The following POC1A variants were observed in gnomAD, a reference collection of about 807,000 sequenced individuals.
POC1A encodes the protein POC1 centriolar protein homolog A.
A neutral mutation model predicts 47.8 loss-of-function variants in POC1A; 34 were observed. The ratio of observed to expected loss-of-function variants is 0.71; its 90% CI spans 0.54 to 0.95. POC1A has a LOEUF of 0.95. Among genes scored for constraint, POC1A ranks in the 40% least tolerant of loss-of-function variants. The pLI is 0.00. For synonymous variants in POC1A, 177 were observed against 207.6 expected, an observed-to-expected ratio of 0.85 and a Z score of 1.27; for missense variants, 466 against 528.3, an observed-to-expected ratio of 0.88 and a Z score of 1.16.
At chr3:52,116,031 A>T (rs181243622) in intron 9 of POC1A, among the ~76,000 whole-genome samples, 2,022 of 152,280 alleles carry the variant, frequency 0.013, 22 homozygotes, top group Admixed American at 0.026. Flanking sequence ...AAATAATTTT[A>T]AAAAATCTAT....
Position 52,084,666 on chromosome 3 carries a change from C to A in POC1A, c.1126-8681G>T, listed in dbSNP as rs368599164. Among the ~76,000 whole-genome samples, 4 of 152,230 alleles carry A rather than the reference C, an allele frequency of 2.6e-5. No individual in the cohort carries two copies. The East Asian group carries it at 5.8e-4, about 22-fold the overall frequency. ...AGGCTTCCCCAGTCCATCCCCCTGCCCCCCCAGCTCTGGGGCAGCCCCTCT... is the reference window on the plus strand; with the variant it reads ...AGGCTTCCCCAGTCCATCCCCCTGCACCCCCAGCTCTGGGGCAGCCCCTCT... On this transcript the variant is annotated intron_variant, in intron 10 of 10. Transcript: ENST00000296484. The surrounding 1 kb of genome is among the most constrained non-coding windows in gnomAD (Gnocchi z 4.3).
At chr3:52,146,190 C>T (rs1256317251) in intron 5 of POC1A, among the ~76,000 whole-genome samples, 1 of 152,274 alleles carries the variant, frequency 6.6e-6, no homozygotes, top group Admixed American at 6.5e-5. Context: ...CCAGGGAGCA[C>T]ATCCCACCGC....
chr3:52,151,428 T>C (rs911575608), intron 1 of POC1A, among the ~76,000 whole-genome samples: 1 of 152,112 alleles, frequency 6.6e-6, no homozygotes, highest in Non-Finnish European at 1.5e-5. Flanking sequence ...ATAAAACTAT[T>C]TATGATACAT....
At position 52,116,084 on chromosome 3, in the gene POC1A, C is replaced by T. The variant is rs114838052; in HGVS notation, c.981+6295G>A. Among the ~76,000 whole-genome samples, 600 of 152,212 alleles carry T rather than the reference C, an allele frequency of 3.9e-3. 3 individuals carry two copies. The highest frequency in any genetic ancestry group is 0.014 in the African/African-American group (565 of 41,504). ...AATGGGTCTCCTCTCCCTGTTTCTC[C>T]AACTCTCTAATTCCTCAGGCAAGGC... On this transcript the variant is annotated intron_variant, in intron 9 of 10. Transcript: ENST00000296484.
At chr3:52,098,815 T>G (rs1702902744) in intron 9 of POC1A, among the ~76,000 whole-genome samples, 1 of 152,216 alleles carries the variant, frequency 6.6e-6, no homozygotes, top group African/African-American at 2.4e-5. Flanking sequence ...TGCCCTCATT[T>G]AATGTCACCT....
chr3:52,085,298 G>T (rs374998768), intron 10 of POC1A, among the ~76,000 whole-genome samples: 1 of 152,250 alleles, frequency 6.6e-6, no homozygotes, highest in Admixed American at 6.5e-5. Context: ...TGGCACTCAG[G>T]TGCCCCTCCG....
chr3:52,081,909 G>A (rs993311293), intron 10 of POC1A, among the ~76,000 whole-genome samples: 6 of 152,094 alleles, frequency 3.9e-5, no homozygotes, highest in Non-Finnish European at 7.4e-5. Context: ...CACAAAGAAC[G>A]AAGCACCAGT....
chr3:52,135,039 G>A (rs1271280715), intron 7 of POC1A, among the ~76,000 whole-genome samples: 2 of 152,216 alleles, frequency 1.3e-5, no homozygotes, highest in African/African-American at 4.8e-5. Context: ...CATCTTCCTC[G>A]AAGGTCTGAG....
intron 10 of POC1A, 70 bp downstream of exon 10, chr3:52,096,499 C>A: frequency 7.4e-7 from 1 of 1,346,258 alleles, no homozygotes; most frequent in Non-Finnish European, 9.9e-7. Flanking sequence ...TGTTGTCCAA[C>A]TTCAAACGGT....
intron 10 of POC1A, among the ~76,000 whole-genome samples, chr3:52,088,871 T>G (rs879815847): frequency 2.4e-5 from 2 of 85,094 alleles, no homozygotes; most frequent in African/African-American, 4.6e-5. Flanking sequence ...CTCCCAGCCC[T>G]CCCCCAGCCC....
At chr3:52,116,154 G>A (rs1703556418) in intron 9 of POC1A, among the ~76,000 whole-genome samples, 2 of 152,076 alleles carry the variant, frequency 1.3e-5, no homozygotes, top group African/African-American at 4.8e-5. Flanking sequence ...AGGCACCCAG[G>A]ACCCCCAGAT....
chr3:52,140,701 G>A (rs1038989205), intron 6 of POC1A, among the ~76,000 whole-genome samples: 1 of 152,174 alleles, frequency 6.6e-6, no homozygotes, highest in Non-Finnish European at 1.5e-5. Flanking sequence ...GGCTTTGGGG[G>A]ATACCCCAGA....
intron 10 of POC1A, among the ~76,000 whole-genome samples, chr3:52,086,172 A>T: frequency 6.6e-6 from 1 of 152,120 alleles, no homozygotes; most frequent in East Asian, 1.9e-4. Flanking sequence ...GAGCCAGATA[A>T]CTGGGCCAGA....
At chr3:52,123,454 G>A (rs572365116) in intron 8 of POC1A, among the ~76,000 whole-genome samples, 94 of 152,304 alleles carry the variant, frequency 6.2e-4, no homozygotes, top group Middle Eastern at 3.4e-3. Flanking sequence ...CACACAAGAT[G>A]AACACTCCAT....
chr3:52,083,092 G>A (rs562665135), intron 10 of POC1A, among the ~76,000 whole-genome samples: 1 of 152,252 alleles, frequency 6.6e-6, no homozygotes, highest in Non-Finnish European at 1.5e-5. Flanking sequence ...CTCTGGGGTG[G>A]CTGGGGGGAG....
chr3:52,112,793 T>C (rs779966702), intron 9 of POC1A, among the ~76,000 whole-genome samples: 4 of 152,198 alleles, frequency 2.6e-5, no homozygotes, highest in Non-Finnish European at 5.9e-5. Flanking sequence ...CGACGAGTCA[T>C]AGAAACTTCG....
intron 9 of POC1A, among the ~76,000 whole-genome samples, chr3:52,099,158 C>A (rs780719776): frequency 5.3e-5 from 8 of 152,214 alleles, no homozygotes; most frequent in Non-Finnish European, 1.0e-4. Flanking sequence ...CAGCACAGAG[C>A]TGAACTCAGA....
rs1478757079 is a variant in POC1A, at chr3:52,079,446, GC to G, written c.1126-3462del. On this transcript the variant is annotated intron_variant, in intron 10 of 10. Coordinates refer to ENST00000296484, the MANE Select transcript of POC1A (RefSeq NM_015426.5). The surrounding 1 kb of genome is among the most constrained non-coding windows in gnomAD (Gnocchi z 4.6). ...CGCTCTGCAGGCAAATACCTCTGCG[GC>G]CTCCCCGGGTCCACACTCCATGGCC... 4.6e-5 allele frequency among the ~76,000 whole-genome samples: 7 copies of G among 152,254 alleles called. No individual in the cohort carries two copies. The highest frequency in any genetic ancestry group is 1.0e-4 in the Non-Finnish European group (7 of 68,044).
At chr3:52,083,725 T>C (rs1224098226) in intron 10 of POC1A, among the ~76,000 whole-genome samples, 1 of 152,022 alleles carries the variant, frequency 6.6e-6, no homozygotes, top group Non-Finnish European at 1.5e-5. Context: ...GAGCTCCAGG[T>C]GGAGTCAGGC....
Sources: gnomAD v4.1 joint callset for allele counts (sites outside exome capture counted in the v4.1 genomes callset) on GRCh38, gnomAD v4.1.1 for gene constraint, Gnocchi (gnomAD v3.1) non-coding constraint, MANE v1.5 for transcripts, NCBI Gene and HGNC (gene_info 2026-07-23, HGNC 2026-07-21) for gene names.